Variants in PARD3 observed in about 807,000 individuals in gnomAD.
The protein encoded by PARD3 is par-3 family cell polarity regulator, also known as partitioning defective 3 homolog.
A neutral mutation model predicts 155.4 loss-of-function variants in PARD3; 75 were observed. That is an observed-to-expected ratio of 0.48 (90% confidence interval 0.40 to 0.58). The LOEUF (loss-of-function observed/expected upper bound fraction) is 0.58, where lower values mean the gene tolerates loss of function less well. Among genes scored for constraint, PARD3 ranks in the 20% least tolerant of loss-of-function variants. PARD3 has a pLI of 0.00. For missense variants in PARD3, 1,642 were observed against 1,721.7 expected, an observed-to-expected ratio of 0.95 and a Z score of 0.82; for synonymous variants, 576 against 610.5, an observed-to-expected ratio of 0.94 and a Z score of 0.83.
chr10:34,179,447 A>G (rs1419597634), intron 22 of PARD3, among the ~76,000 whole-genome samples: 5 of 152,232 alleles, frequency 3.3e-5, no homozygotes. Context: ...AGTGGAGGAA[A>G]AGCACAGCTT....
At chr10:34,465,366 TATAAAA>T (rs540279032) in intron 4 of PARD3, among the ~76,000 whole-genome samples, 1 of 152,256 alleles carries the variant, frequency 6.6e-6, no homozygotes, top group East Asian at 1.9e-4. Flanking sequence ...CAAAAATGTT[TATAAAA>T]ATAATTTCCT....
intron 3 of PARD3, among the ~76,000 whole-genome samples, chr10:34,500,647 T>C (rs1187159119): frequency 6.6e-6 from 1 of 152,024 alleles, no homozygotes; most frequent in Non-Finnish European, 1.5e-5. Context: ...GAGGCTGAGG[T>C]GGGAGAACAG....
Position 34,657,942 on chromosome 10 carries a change from C to T in PARD3, c.222+38376G>A, listed in dbSNP as rs548373238. Among the ~76,000 whole-genome samples the T allele has an allele frequency of 2.1e-3, 324 of 152,034 alleles. 1 individual carries two copies. The highest frequency in any genetic ancestry group is 7.5e-3 in the African/African-American group (310 of 41,526). Reference sequence around the variant, plus strand: ...TGGGCGGATCACGAGGTCAGGAGATCGAGACTGTCCTAGCTAACACAGTGA... The same window carrying T: ...TGGGCGGATCACGAGGTCAGGAGATTGAGACTGTCCTAGCTAACACAGTGA... On this transcript the variant is annotated intron_variant, in intron 2 of 24. Coordinates refer to ENST00000374788, the MANE Select transcript of PARD3 (RefSeq NM_001184785.2).
chr10:34,768,196 A>G (rs1838365539), intron 1 of PARD3, among the ~76,000 whole-genome samples: 1 of 152,114 alleles, frequency 6.6e-6, no homozygotes, highest in Admixed American at 6.5e-5. Context: ...TTATTTTGTC[A>G]AAGTTAAGGA....
At chr10:34,284,317 TATACCCA>T in intron 20 of PARD3, 72 bp from the exon 21 acceptor site, 1 of 830,784 alleles carries the variant, frequency 1.2e-6, no homozygotes, top group Non-Finnish European at 2.0e-6. Context: ...GGTAATGACA[TATACCCA>T]ATGAAATGAA....
At chr10:34,396,508 T>C (rs1843360631) in intron 7 of PARD3, among the ~76,000 whole-genome samples, 1 of 152,228 alleles carries the variant, frequency 6.6e-6, no homozygotes, top group Non-Finnish European at 1.5e-5. Context: ...TGGTCTGGGT[T>C]GTGTTCCTTC....
intron 22 of PARD3, among the ~76,000 whole-genome samples, chr10:34,225,599 G>GCCT (rs1465332811): frequency 6.6e-6 from 1 of 152,164 alleles, no homozygotes; most frequent in African/African-American, 2.4e-5. Flanking sequence ...ACCCACCTTG[G>GCCT]CCTCCTAAAG....
chr10:34,316,280 T>C (rs572024582), intron 20 of PARD3, among the ~76,000 whole-genome samples: 13 of 152,350 alleles, frequency 8.5e-5, no homozygotes, highest in African/African-American at 3.1e-4. Context: ...TAACATTAAG[T>C]GCCTGAATAT....
At position 34,387,507 on chromosome 10, in the gene PARD3, G is replaced by A. The variant is rs142746486; in HGVS notation, c.891-3253C>T. 2.8e-3 allele frequency among the ~76,000 whole-genome samples: 430 copies of A among 152,104 alleles called. 3 individuals are homozygous for A. The highest frequency in any genetic ancestry group is 9.4e-3 in the African/African-American group (390 of 41,504). On this transcript the variant is annotated intron_variant, in intron 7 of 24. Transcript: ENST00000374788. ...ACAGCTCCCTGCAAGCTCAAACCCC[G>A]GGGCTCAAGCAATCCTCCTGCCTCA... is the stretch of plus-strand genomic sequence containing the variant.
At chr10:34,188,875 C>G (rs116292075) in intron 22 of PARD3, among the ~76,000 whole-genome samples, 2 of 152,140 alleles carry the variant, frequency 1.3e-5, no homozygotes, top group Non-Finnish European at 2.9e-5. Flanking sequence ...CTTCTCCCCC[C>G]ACACCCTTCC....
At chr10:34,482,032 CTTTTTT>C (rs58877037) in intron 3 of PARD3, among the ~76,000 whole-genome samples, 1 of 101,598 alleles carries the variant, frequency 9.8e-6, no homozygotes, top group Non-Finnish European at 1.8e-5. Flanking sequence ...TAATTTTTAT[CTTTTTT>C]TTTTTTTTTT....
intron 3 of PARD3, among the ~76,000 whole-genome samples, chr10:34,491,791 A>G (rs1227764518): frequency 2.0e-5 from 3 of 152,194 alleles, no homozygotes; most frequent in Non-Finnish European, 4.4e-5. Context: ...CACTTTTACA[A>G]CTCTAAAGCC....
At chr10:34,590,326 C>T (rs1590136415) in intron 2 of PARD3, among the ~76,000 whole-genome samples, 1 of 152,348 alleles carries the variant, frequency 6.6e-6, no homozygotes, top group Non-Finnish European at 1.5e-5. Context: ...TGACTTGCAT[C>T]TAATTGCTTT....
In PARD3 at chr10:34,317,299, T is replaced by C. The variant is rs747095978; in HGVS notation, c.2873A>G (p.Glu958Gly). 7 of 1,612,374 alleles carry C rather than the reference T, an allele frequency of 4.3e-6. No homozygotes were observed. Among genetic ancestry groups the C allele is most frequent in the Middle Eastern group, 1.6e-4 (1 of 6,082 alleles). ...CTGATCACTGGCTGTGGATACAGAC[T>C]CTCTCCCTGATCTTGAACTTTCTTC... ...DTEESSRSGR[E>G]SVSTASDQPS... Residue 958 changes from glutamate to glycine, a missense_variant, in exon 20 of 25, where the codon GAG becomes GGG. Around this residue, in one of 3 missense-constraint regions of PARD3, gnomAD observed 1,529 missense variants for 1,587.3 expected, o/e 0.96. Coordinates refer to ENST00000374788, the MANE Select transcript of PARD3 (RefSeq NM_001184785.2).
chr10:34,532,298 T>C (rs1453229405), intron 2 of PARD3, among the ~76,000 whole-genome samples: 1 of 152,106 alleles, frequency 6.6e-6, no homozygotes, highest in East Asian at 1.9e-4. Flanking sequence ...ACATGCCAAA[T>C]CTCCAAAAAT....
At chr10:34,202,220 A>C (rs748880987) in intron 22 of PARD3, 1 of 152,166 alleles carries the variant, frequency 6.6e-6, no homozygotes, top group Non-Finnish European at 1.5e-5. Flanking sequence ...TTACAGGCAC[A>C]TACCATAATA....
chr10:34,456,182 GTGGAGTC>G (rs1300563117), intron 4 of PARD3, among the ~76,000 whole-genome samples: 1 of 152,208 alleles, frequency 6.6e-6, no homozygotes, highest in Admixed American at 6.5e-5. Flanking sequence ...CTAAACTATG[GTGGAGTC>G]TGCAACCAGA....
intron 20 of PARD3, among the ~76,000 whole-genome samples, chr10:34,293,449 C>T (rs1321100383): frequency 6.6e-6 from 1 of 152,090 alleles, no homozygotes; most frequent in African/African-American, 2.4e-5. Flanking sequence ...TTTCTCCCAA[C>T]TAAATTGACG....
intron 2 of PARD3, chr10:34,675,528 A>G (rs1055772246): frequency 1.3e-5 from 2 of 152,182 alleles, no homozygotes; most frequent in East Asian, 1.9e-4. Context: ...CAGTGAGCTC[A>G]GAAAACTCCC....
Sources: allele counts gnomAD v4.1 joint callset (sites outside exome capture counted in the v4.1 genomes callset), GRCh38; gene constraint gnomAD v4.1.1; regional missense constraint gnomAD v4.1.1; transcripts MANE v1.5; gene names NCBI Gene and HGNC (gene_info 2026-07-23, HGNC 2026-07-21).